The following TCP1 variants were observed in gnomAD, a reference collection of about 807,000 sequenced individuals.
TCP1 encodes t-complex 1.
Under a neutral mutation model 54.7 loss-of-function variants are expected in TCP1, and 6 were observed. That is an observed-to-expected ratio of 0.11 (90% CI 0.06 to 0.22). The LOEUF is 0.22. Ranked by LOEUF, TCP1 falls within the 10% of genes least tolerant of loss-of-function variation. The probability of loss-of-function intolerance (pLI) is 1.00; values close to 1 mark genes in which losing one functional copy is unlikely to be tolerated. For synonymous variants in TCP1, 225 were observed against 229.7 expected (o/e 0.98, Z 0.19); for missense variants, 511 against 678.2 (o/e 0.75, Z 2.74).
At position 159,786,844 on chromosome 6, in the gene TCP1, C is replaced by T. The variant is rs115163656; in HGVS notation, c.280-847G>A. Among the ~76,000 whole-genome samples, 956 of 152,264 alleles carry T rather than the reference C, an allele frequency of 6.3e-3. 11 individuals are homozygous for T. The highest frequency in any genetic ancestry group is 0.022 in the African/African-American group (922 of 41,552). On this transcript the variant is annotated intron_variant, in intron 3 of 11. Coordinates refer to ENST00000321394, the MANE Select transcript of TCP1 (RefSeq NM_030752.3). ...CTGGATGATCTATGAAGAGTTTATA[C>T]TGTGTATCACATTTACTGACTCGGT...
intron 10 of TCP1, 35 bp from the exon 11 acceptor site, chr6:159,779,825 A>AG (rs778215630): frequency 1.3e-6 from 2 of 1,586,814 alleles, no homozygotes; most frequent in East Asian, 2.2e-5. Flanking sequence ...ACTTCACAAA[A>AG]GGGAAAAAAA....
At chr6:159,784,522 T>C (rs943202417) in intron 6 of TCP1, 144 bp downstream of exon 6, 1 of 810,430 alleles carries the variant, frequency 1.2e-6, no homozygotes, top group Non-Finnish European at 1.9e-6. Flanking sequence ...GACAGGCTGC[T>C]CTCAAACTCC....
intron 7 of TCP1, among the ~76,000 whole-genome samples, chr6:159,783,420 C>G (rs1780622529): frequency 1.5e-5 from 2 of 137,078 alleles, no homozygotes; most frequent in Non-Finnish European, 3.0e-5. Context: ...CTCGCTGTCA[C>G]CCAGGTTGGA....
Position 159,789,525 on chromosome 6 carries a change from G to C in TCP1, c.-57C>G. On this transcript the variant is annotated 5_prime_UTR_variant, in exon 1 of 12. Coordinates refer to ENST00000321394, the MANE Select transcript of TCP1 (RefSeq NM_030752.3). ...TTACACCGCGGGCAACCAGTATCGC[G>C]GCCCCTCGGCCGACCGGCGACCACA... The C allele has an allele frequency of 1.2e-6, 2 of 1,603,626 alleles. No individual in the cohort carries two copies. The highest frequency in any genetic ancestry group is 1.3e-5 in the African/African-American group (1 of 74,724).
rs1780733453 is a variant in TCP1 at position 159,787,790 on chromosome 6, G to A, written c.232C>T (p.Leu78=). 2.5e-6 allele frequency: 4 copies of A among 1,614,096 alleles called. No homozygotes were observed. The highest frequency in any genetic ancestry group is 3.4e-6 in the Non-Finnish European group (4 of 1,180,020). The change falls in exon 3 of 12, where the codon CTG becomes TTG. Residue 78 remains leucine (L), a synonymous_variant. Coordinates refer to ENST00000321394, the MANE Select transcript of TCP1 (RefSeq NM_030752.3). ...ACTTCTTTGTCTTGCAGATCAGCCA[G>A]CTCACAAAGAACTTTAGCTGCAGGA... ...EHPAAKVLCE[L]ADLQDKEVGD... is the part of the protein sequence containing the mutation.
At chr6:159,780,398 T>C in intron 9 of TCP1, 45 bp downstream of exon 9, 1 of 1,612,798 alleles carries the variant, frequency 6.2e-7, no homozygotes, top group Non-Finnish European at 8.5e-7. Context: ...TACTTTTACT[T>C]AACAAAATCG....
chr6:159,778,719 A>G lies in TCP1; in HGVS notation c.*326T>C. The G allele has an allele frequency of 6.2e-7, 1 of 1,614,236 alleles. No individual in the cohort carries two copies. The highest frequency in any genetic ancestry group is 8.5e-7 in the Non-Finnish European group (1 of 1,180,038). ...CCCTCTTGGAGCATCTGGCTGTCGA[A>G]TTCTTGTGACCCTGTTACACACACT... On this transcript the variant is annotated 3_prime_UTR_variant, in exon 12 of 12. Coordinates refer to ENST00000321394, the MANE Select transcript of TCP1 (RefSeq NM_030752.3).
Position 159,778,990 on chromosome 6 carries a change from C to T in TCP1, c.*55G>A, listed in dbSNP as rs1780503690. 1 of 1,579,060 alleles carries T rather than the reference C, an allele frequency of 6.3e-7. No homozygotes were observed. Among genetic ancestry groups the T allele is most frequent in the Non-Finnish European group, 8.7e-7 (1 of 1,156,068 alleles). On this transcript the variant is annotated 3_prime_UTR_variant, in exon 12 of 12. Transcript: ENST00000321394. The stretch of plus-strand genomic sequence containing the variant: ...CTTTACTTTAATGTGTAATACTCAA[C>T]TCAAGGTACAAGACAATTGCATTTA...
At position 159,780,106 on chromosome 6, in the gene TCP1, C is replaced by A; in HGVS notation, c.1098-19G>T. 6.3e-7 allele frequency: 1 copy of A among 1,590,456 alleles called. No homozygotes were observed. The highest frequency in any genetic ancestry group is 8.5e-7 in the Non-Finnish European group (1 of 1,170,582). ...CTTAGTACTGTTCAAAACAAAAGTA[C>A]AATTCTTGTAATAGCATTTTTAAAA... On this transcript the variant is annotated intron_variant, in intron 9 of 11. Coordinates refer to ENST00000321394, the MANE Select transcript of TCP1 (RefSeq NM_030752.3).
In TCP1 at chr6:159,781,021, C is replaced by G; in HGVS notation, c.887G>C (p.Cys296Ser). The G allele has an allele frequency of 6.2e-7, 1 of 1,613,674 alleles. No individual in the cohort carries two copies. Among genetic ancestry groups the G allele is most frequent in the African/African-American group, 1.3e-5 (1 of 75,022 alleles). Residue 296 changes from cysteine to serine, a missense_variant, in exon 8 of 12, where the codon TGT becomes TCT. Transcript: ENST00000321394. ...ACCAGCCTCCACAAAATACTTCAGA[C>G]ACATATCATCAATTCCACCAGTGGT... is the stretch of plus-strand genomic sequence containing the variant. ...ILTTGGIDDMCLKYFVEAGAM... is the reference protein window; with the variant it reads ...ILTTGGIDDMSLKYFVEAGAM...
In TCP1 at chr6:159,784,792, T is replaced by C. The variant is rs1455993895; in HGVS notation, c.544A>G (p.Thr182Ala). ...VVDAVLAIKY[T>A]DIRGQPRYPV... ...TAGCGTGGCTGGCCTCTTATGTCTG[T>C]GTATTTAATAGCAAGTACAGCATCT... is the stretch of plus-strand genomic sequence containing the variant. Residue 182 changes from threonine to alanine, a missense_variant, in exon 6 of 12, where the codon ACA becomes GCA. This residue lies in a region of TCP1 where 305 missense variants were observed against 352.8 expected (regional missense o/e 0.86). Transcript: ENST00000321394. The C allele has an allele frequency of 6.2e-7, 1 of 1,614,208 alleles. No homozygotes were observed. The highest frequency in any genetic ancestry group is 1.1e-5 in the South Asian group (1 of 91,084).
At chr6:159,789,278 C>T in intron 1 of TCP1, 127 bp downstream of exon 1, 3 of 1,087,310 alleles carry the variant, frequency 2.8e-6, no homozygotes, top group Non-Finnish European at 2.6e-6. Flanking sequence ...GGGCTGGGTC[C>T]GGCTGCGGGG....
At chr6:159,789,279 G>C in intron 1 of TCP1, 126 bp downstream of exon 1, 1 of 1,107,342 alleles carries the variant, frequency 9.0e-7, no homozygotes, top group Non-Finnish European at 1.3e-6. Flanking sequence ...GGCTGGGTCC[G>C]GCTGCGGGGC....
chr6:159,787,595 CTT>C, intron 3 of TCP1, 146 bp downstream of exon 3: 1 of 687,250 alleles, frequency 1.5e-6, no homozygotes. Flanking sequence ...TGTGTAACTT[CTT>C]TTGTTTTTTC....
At chr6:159,785,709 G>A in intron 4 of TCP1, 191 bp downstream of exon 4, 1 of 788,530 alleles carries the variant, frequency 1.3e-6, no homozygotes, top group East Asian at 2.4e-5. Context: ...ATTATTAGGA[G>A]AAAATGTGGT....
chr6:159,788,037 A>G, intron 2 of TCP1, 21 bp downstream of exon 2: 2 of 1,612,894 alleles, frequency 1.2e-6, no homozygotes. Context: ...GGAAACTAAC[A>G]CAACAGTTAT....
intron 7 of TCP1, among the ~76,000 whole-genome samples, chr6:159,783,043 A>C (rs991045203): frequency 6.6e-6 from 1 of 152,218 alleles, no homozygotes; most frequent in Non-Finnish European, 1.5e-5. Context: ...ACCACTCATG[A>C]CATCTGCCTG....
rs1780652991 is a variant in TCP1, at chr6:159,784,719, A to G, written c.617T>C (p.Met206Thr). 18 of 1,614,214 alleles carry G rather than the reference A, an allele frequency of 1.1e-5. No homozygotes were observed. Among genetic ancestry groups the G allele is most frequent in the Non-Finnish European group, 1.4e-5 (16 of 1,180,042 alleles). The change falls in exon 6 of 12, where the codon ATG becomes ACG. Residue 206 changes from methionine (M) to threonine (T), a missense_variant. Physicochemically the swap from Met to Thr is moderately conservative, Grantham distance 81. Around this residue, in one of 5 missense-constraint regions of TCP1, gnomAD observed 305 missense variants for 352.8 expected, o/e 0.86. Coordinates refer to ENST00000321394, the MANE Select transcript of TCP1 (RefSeq NM_030752.3). ...ATAGCCACTGATGAGCATACTCTCCATTTGACTTCTCCCATGGGCTTTCAA... is the reference window on the plus strand; with the variant it reads ...ATAGCCACTGATGAGCATACTCTCCGTTTGACTTCTCCCATGGGCTTTCAA... ...NILKAHGRSQ[M>T]ESMLISGYAL... is the part of the protein sequence containing the mutation.
intron 5 of TCP1, 192 bp downstream of exon 5, chr6:159,785,194 T>G: frequency 1.6e-6 from 1 of 616,606 alleles, no homozygotes; most frequent in Non-Finnish European, 2.9e-6. Context: ...GCGCAACACA[T>G]GCGCACACAC....
Sources: gnomAD v4.1 joint callset for allele counts (sites outside exome capture counted in the v4.1 genomes callset) on GRCh38, gnomAD v4.1.1 for gene constraint, gnomAD v4.1.1 regional missense constraint, MANE v1.5 for transcripts, NCBI Gene and HGNC (gene_info 2026-07-23, HGNC 2026-07-21) for gene names.